Variants in PTPRK observed in about 807,000 individuals in gnomAD.
PTPRK encodes protein tyrosine phosphatase receptor type K, also known as receptor-type tyrosine-protein phosphatase kappa.
In PTPRK, 75 loss-of-function variants were observed where a neutral mutation model predicts 178.0. The observed-to-expected ratio is 0.42, with a 90% confidence interval of 0.35 to 0.51. The LOEUF (loss-of-function observed/expected upper bound fraction) is 0.51, where lower values mean the gene tolerates loss of function less well. PTPRK is among the 20% of genes least tolerant of loss of function. The pLI is 0.02. For synonymous variants in PTPRK, 637 were observed against 620.6 expected, an observed-to-expected ratio of 1.03 and a Z score of -0.39; for missense variants, 1,441 against 1,797.8, an observed-to-expected ratio of 0.80 and a Z score of 3.59.
rs147086155 is a variant in PTPRK at position 128,441,314 on chromosome 6, C to T, written c.101-43626G>A. ...TCAGTCACCCAAATTAGTCTGTAAA[C>T]GGTGCTATTTGAAAAAACATGAAGT... is the stretch of plus-strand genomic sequence containing the variant. On this transcript the variant is annotated intron_variant, in intron 1 of 29. Transcript: ENST00000368226. Among the ~76,000 whole-genome samples the T allele has an allele frequency of 8.4e-4, 128 of 152,056 alleles. 2 individuals carry two copies. Among genetic ancestry groups the T allele is most frequent in the East Asian group, 7.7e-4 (4 of 5,178 alleles).
chr6:128,490,640 G>A (rs949485670), intron 1 of PTPRK, among the ~76,000 whole-genome samples: 8 of 152,250 alleles, frequency 5.3e-5, no homozygotes, highest in East Asian at 1.9e-4. Context: ...TGTGACCTTG[G>A]GGCAGTCGCT....
chr6:128,117,692 G>A (rs906684149), intron 7 of PTPRK, among the ~76,000 whole-genome samples: 5 of 151,722 alleles, frequency 3.3e-5, no homozygotes, highest in African/African-American at 7.3e-5. Flanking sequence ...TTACTCTGTC[G>A]CCCAGGCTGG....
intron 3 of PTPRK, among the ~76,000 whole-genome samples, chr6:128,311,807 C>A (rs1827281529): frequency 6.6e-6 from 1 of 152,094 alleles, no homozygotes; most frequent in African/African-American, 2.4e-5. Flanking sequence ...TGTGTTTCTT[C>A]CTTCTTGGAG....
chr6:128,107,679 A>G (rs1035707537), intron 7 of PTPRK, among the ~76,000 whole-genome samples: 2 of 152,236 alleles, frequency 1.3e-5, no homozygotes, highest in Non-Finnish European at 2.9e-5. Flanking sequence ...CTATGTCATC[A>G]AACTTCTTTT....
chr6:128,458,843 T>C (rs549577719), intron 1 of PTPRK, among the ~76,000 whole-genome samples: 1 of 152,206 alleles, frequency 6.6e-6, no homozygotes, highest in Non-Finnish European at 1.5e-5. Flanking sequence ...AAATCCATTA[T>C]GCTCTTCTCC....
intron 14 of PTPRK, among the ~76,000 whole-genome samples, chr6:128,008,781 C>T (rs954307191): frequency 1.3e-5 from 2 of 151,018 alleles, no homozygotes; most frequent in Non-Finnish European, 3.0e-5. Flanking sequence ...TCCTAGACCA[C>T]AGCCCAAGTA....
chr6:128,243,402 C>T (rs4279451), intron 3 of PTPRK, among the ~76,000 whole-genome samples: 1 of 146,800 alleles, frequency 6.8e-6, no homozygotes, highest in African/African-American at 2.5e-5. Flanking sequence ...ACCTATAATC[C>T]TAACACTTTG....
chr6:128,071,044 G>A (rs1228527613), intron 11 of PTPRK, among the ~76,000 whole-genome samples: 1 of 150,882 alleles, frequency 6.6e-6, no homozygotes, highest in African/African-American at 2.4e-5. Flanking sequence ...CTGTGACATT[G>A]TATCCATTAA....
chr6:128,022,360 G>C (rs1773652457), intron 13 of PTPRK, among the ~76,000 whole-genome samples: 1 of 152,094 alleles, frequency 6.6e-6, no homozygotes, highest in Non-Finnish European at 1.5e-5. Context: ...TTGTCTTTTT[G>C]CCATGAAAAC....
chr6:127,991,740 A>G (rs1351330893), intron 19 of PTPRK, among the ~76,000 whole-genome samples: 1 of 151,754 alleles, frequency 6.6e-6, no homozygotes, highest in African/African-American at 2.4e-5. Context: ...ACCAGACAGC[A>G]TATATTACCA....
At chr6:128,015,621 T>G (rs2114740078) in intron 13 of PTPRK, among the ~76,000 whole-genome samples, 1 of 151,876 alleles carries the variant, frequency 6.6e-6, no homozygotes, top group Middle Eastern at 3.4e-3. Flanking sequence ...AAGGCAAAAG[T>G]TATGACACAT....
At chr6:128,368,007 C>T (rs1835760033) in intron 2 of PTPRK, among the ~76,000 whole-genome samples, 1 of 152,082 alleles carries the variant, frequency 6.6e-6, no homozygotes, top group African/African-American at 2.4e-5. Context: ...CATACATAAC[C>T]TTCCCATGTT....
At chr6:128,212,600 C>T (rs929278267) in intron 6 of PTPRK, among the ~76,000 whole-genome samples, 2 of 151,924 alleles carry the variant, frequency 1.3e-5, no homozygotes, top group African/African-American at 4.8e-5. Flanking sequence ...AAATAAAATT[C>T]CCTTGAGTTC....
At chr6:128,267,685 C>G (rs2128296018) in intron 3 of PTPRK, among the ~76,000 whole-genome samples, 1 of 152,188 alleles carries the variant, frequency 6.6e-6, no homozygotes, top group Admixed American at 6.6e-5. Context: ...TCCCTTGTCT[C>G]CAGTCCTGGA....
chr6:128,083,899 T>C (rs1785270975), intron 8 of PTPRK, 75 bp from the exon 9 acceptor site: 12 of 658,888 alleles, frequency 1.8e-5, no homozygotes, highest in Non-Finnish European at 2.6e-5. Context: ...ATAAGCTAGA[T>C]AAACAGGATT....
chr6:128,362,388 G>A (rs1234484181), intron 2 of PTPRK, among the ~76,000 whole-genome samples: 3 of 151,898 alleles, frequency 2.0e-5, no homozygotes, highest in Admixed American at 2.0e-4. Flanking sequence ...ACTGGGGATT[G>A]CAATTCAACA....
intron 1 of PTPRK, among the ~76,000 whole-genome samples, chr6:128,503,862 G>GTC (rs1057008534): frequency 8.6e-5 from 13 of 151,474 alleles, no homozygotes; most frequent in African/African-American, 2.9e-4. Context: ...GTGTGTGTGT[G>GTC]TGTGTGTGTG....
chr6:127,981,387 A>ACCAC, intron 24 of PTPRK, 98 bp from the exon 25 acceptor site: 8 of 1,112,724 alleles, frequency 7.2e-6, no homozygotes, highest in Non-Finnish European at 1.0e-5. Context: ...TAGAAAGTGA[A>ACCAC]GGATTTGTGC....
rs914732880 is a variant in PTPRK at position 128,383,970 on chromosome 6, A to G, written c.223+13596T>C. On this transcript the variant is annotated intron_variant, in intron 2 of 29. Coordinates refer to ENST00000368226, the MANE Select transcript of PTPRK (RefSeq NM_002844.4). ...TAAAGTAAAGCAATATACTAGAAAC[A>G]TGAGAAAAATTAAATACCCAAATGC... Among the ~76,000 whole-genome samples, 10 of 152,340 alleles carry G rather than the reference A, an allele frequency of 6.6e-5. No homozygotes were observed. In the South Asian group the frequency reaches 1.9e-3, roughly 28 times the overall value.
Sources: allele counts gnomAD v4.1 joint callset (sites outside exome capture counted in the v4.1 genomes callset), GRCh38; gene constraint gnomAD v4.1.1; transcripts MANE v1.5; gene names NCBI Gene and HGNC (gene_info 2026-07-23, HGNC 2026-07-21).